The following ABCA13 variants were observed in gnomAD, a reference collection of about 807,000 sequenced individuals.
ABCA13 encodes ATP-binding cassette sub-family A member 13.
Under a neutral mutation model 478.7 loss-of-function variants are expected in ABCA13, and 476 were observed. The ratio of observed to expected loss-of-function variants is 0.99; its 90% CI spans 0.92 to 1.07. ABCA13 has a LOEUF of 1.07. ABCA13 is among the 50% of genes least tolerant of loss of function. The probability of loss-of-function intolerance (pLI) is 0.00; values close to 1 mark genes in which losing one functional copy is unlikely to be tolerated. For synonymous variants in ABCA13, 2,252 were observed against 2,158.9 expected, an observed-to-expected ratio of 1.04 and a Z score of -1.20; for missense variants, 6,060 against 5,910.6, an observed-to-expected ratio of 1.03 and a Z score of -0.83.
At chr7:48,637,381 C>CAAAAAAAAAAAAAAAAAAAAAAAAAAAAA (rs1156643955) in intron 59 of ABCA13, among the ~76,000 whole-genome samples, 2 of 20,258 alleles carry the variant, frequency 9.9e-5, no homozygotes, top group African/African-American at 2.0e-4. Flanking sequence ...GTTCATAAAG[C>CAAAAAAAAAAAAAAAAAAAAAAAAAAAAA]AAAAAAAAAA....
chr7:48,278,586 C>T lies in ABCA13; in HGVS notation c.7392C>T (p.Phe2464=). ...TDLLFFINNS[F]PLRNRATLEI... is the part of the protein sequence containing the mutation. The stretch of plus-strand genomic sequence containing the variant: ...TGCTTTTCTTTATAAATAATTCATT[C>T]CCTCTAAGAAACAGAGCAACATTAG... Residue 2464 remains phenylalanine, a synonymous_variant, in exon 18 of 62, where the codon TTC becomes TTT. Coordinates refer to ENST00000435803, the MANE Select transcript of ABCA13 (RefSeq NM_152701.5). The T allele has an allele frequency of 3.1e-6, 5 of 1,613,824 alleles. No individual in the cohort carries two copies. The highest frequency in any genetic ancestry group is 4.2e-6 in the Non-Finnish European group (5 of 1,179,828).
intron 59 of ABCA13, among the ~76,000 whole-genome samples, chr7:48,637,381 CAAAAAAAAAAAAAA>C (rs1156643955): frequency 4.9e-5 from 1 of 20,258 alleles, no homozygotes; most frequent in East Asian, 1.7e-3. Context: ...GTTCATAAAG[CAAAAAAAAAAAAAA>C]AAAAAAAAAA....
chr7:48,642,568 G>T (rs1174370061), intron 59 of ABCA13, among the ~76,000 whole-genome samples: 1 of 152,096 alleles, frequency 6.6e-6, no homozygotes, highest in Non-Finnish European at 1.5e-5. Context: ...TTTTTGGGAT[G>T]CTATGATGTG....
At chr7:48,226,746 A>G (rs1788266077) in intron 5 of ABCA13, among the ~76,000 whole-genome samples, 2 of 152,188 alleles carry the variant, frequency 1.3e-5, no homozygotes, top group East Asian at 1.9e-4. Flanking sequence ...TTCTTGGCAT[A>G]TAATAAGAAA....
At chr7:48,206,964 C>T (rs759297382) in intron 3 of ABCA13, among the ~76,000 whole-genome samples, 4 of 152,132 alleles carry the variant, frequency 2.6e-5, no homozygotes, top group Non-Finnish European at 5.9e-5. Flanking sequence ...TATCTCCCAC[C>T]TCACCACTAC....
intron 19 of ABCA13, among the ~76,000 whole-genome samples, chr7:48,283,684 G>C (rs1459566606): frequency 2.0e-5 from 3 of 152,172 alleles, no homozygotes; most frequent in African/African-American, 7.2e-5. Context: ...GCTGGGACTC[G>C]TGGTCTGTAA....
At chr7:48,462,950 C>A (rs1472825344) in intron 43 of ABCA13, among the ~76,000 whole-genome samples, 1 of 152,094 alleles carries the variant, frequency 6.6e-6, no homozygotes, top group Non-Finnish European at 1.5e-5. Flanking sequence ...TTAAGGATTT[C>A]TTTTTCCTTT....
chr7:48,465,731 A>T (rs1826805048), intron 43 of ABCA13, among the ~76,000 whole-genome samples: 1 of 152,046 alleles, frequency 6.6e-6, no homozygotes, highest in African/African-American at 2.4e-5. Flanking sequence ...TGAAAATAGG[A>T]TAAATTGTTG....
chr7:48,176,919 ATG>A (rs918768006), intron 1 of ABCA13, among the ~76,000 whole-genome samples: 3 of 152,104 alleles, frequency 2.0e-5, no homozygotes, highest in African/African-American at 4.8e-5. Flanking sequence ...TTGTGTGTAT[ATG>A]TGTGTGTGTT....
At chr7:48,515,970 A>T (rs1166236893) in intron 51 of ABCA13, among the ~76,000 whole-genome samples, 2 of 152,146 alleles carry the variant, frequency 1.3e-5, no homozygotes, top group Non-Finnish European at 2.9e-5. Context: ...GTTCAGGCCC[A>T]CGTACAACCC....
In ABCA13 at chr7:48,303,491, C is replaced by T. The variant is rs1309245445; in HGVS notation, c.9321+5004C>T. ...TGGGTTTTACATTTAAATCTTTAACCCATCTTGAGTTGATTTTTGTATAGC... is the reference window on the plus strand; with the variant it reads ...TGGGTTTTACATTTAAATCTTTAACTCATCTTGAGTTGATTTTTGTATAGC... On this transcript the variant is annotated intron_variant, in intron 23 of 61. Transcript: ENST00000435803. Among the ~76,000 whole-genome samples, 3 of 152,178 alleles carry T rather than the reference C, an allele frequency of 2.0e-5. No individual in the cohort carries two copies. In the East Asian group the frequency reaches 5.8e-4, roughly 29 times the overall value.
At chr7:48,337,461 A>G (rs1426038822) in intron 28 of ABCA13, among the ~76,000 whole-genome samples, 1 of 152,268 alleles carries the variant, frequency 6.6e-6, no homozygotes, top group Non-Finnish European at 1.5e-5. Context: ...AGACAAGATT[A>G]GTTAAAACTA....
At chr7:48,635,591 A>G (rs1425504143) in intron 59 of ABCA13, among the ~76,000 whole-genome samples, 1 of 152,174 alleles carries the variant, frequency 6.6e-6, no homozygotes, top group Non-Finnish European at 1.5e-5. Context: ...TGGGTAAAAA[A>G]AGGGCACCAT....
intron 55 of ABCA13, among the ~76,000 whole-genome samples, chr7:48,563,794 TTGTGTGTGTGTGTGTGTGTG>T (rs200813371): frequency 3.0e-5 from 3 of 101,638 alleles, no homozygotes; most frequent in African/African-American, 6.7e-5. Flanking sequence ...TGTTTACTGC[TTGTGTGTGTGTGTGTGTGTG>T]TGTGTGTGTG....
intron 59 of ABCA13, among the ~76,000 whole-genome samples, chr7:48,633,444 A>G (rs996625612): frequency 1.3e-5 from 2 of 152,120 alleles, no homozygotes; most frequent in Non-Finnish European, 2.9e-5. Flanking sequence ...TCCACAGACT[A>G]CTTTACCCAT....
chr7:48,613,844 T>C (rs1019137124), intron 58 of ABCA13, among the ~76,000 whole-genome samples: 3 of 148,208 alleles, frequency 2.0e-5, no homozygotes, highest in African/African-American at 4.9e-5. Flanking sequence ...ATCTGTATTA[T>C]AATATATTTT....
intron 5 of ABCA13, among the ~76,000 whole-genome samples, chr7:48,225,131 G>GCCTTCCTTCCTTCCTTCCTTCCTT (rs1434820823): frequency 6.6e-5 from 7 of 106,714 alleles, no homozygotes; most frequent in Admixed American, 1.9e-4. Context: ...CTGCCTGCCT[G>GCCTTCCTTCCTTCCTTCCTTCCTT]CCTGCCTTCC....
chr7:48,520,611 G>T (rs907961092), intron 53 of ABCA13, among the ~76,000 whole-genome samples: 1 of 151,986 alleles, frequency 6.6e-6, no homozygotes, highest in Non-Finnish European at 1.5e-5. Flanking sequence ...GTGCAGGTTT[G>T]TTACATATGT....
intron 42 of ABCA13, among the ~76,000 whole-genome samples, chr7:48,436,554 C>G (rs1439123486): frequency 6.6e-6 from 1 of 151,652 alleles, no homozygotes; most frequent in Non-Finnish European, 1.5e-5. Flanking sequence ...ATTATTTCTG[C>G]TAGGGTTAGG....
Sources: allele counts gnomAD v4.1 joint callset (sites outside exome capture counted in the v4.1 genomes callset), GRCh38; gene constraint gnomAD v4.1.1; transcripts MANE v1.5; gene names NCBI Gene and HGNC (gene_info 2026-07-23, HGNC 2026-07-21).